The following AKT3 variants were observed in gnomAD, a reference collection of about 807,000 sequenced individuals.
AKT3 encodes RAC-gamma serine/threonine-protein kinase.
AKT3 carries 15 observed loss-of-function variants against 65.3 expected under a neutral mutation model. That is an observed-to-expected ratio of 0.23 (90% CI 0.15 to 0.35). The LOEUF is 0.35. AKT3 is among the 10% of genes least tolerant of loss of function. AKT3 has a pLI of 1.00. For missense variants in AKT3, 243 were observed against 576.5 expected (o/e 0.42, Z 5.92); for synonymous variants, 206 against 183.8 (o/e 1.12, Z -0.98).
chr1:243,829,243 C>T (rs1446383462), intron 2 of AKT3, among the ~76,000 whole-genome samples: 2 of 151,656 alleles, frequency 1.3e-5, no homozygotes, highest in African/African-American at 2.4e-5. Flanking sequence ...AGGAATCACA[C>T]GATACCCTAT....
intron 2 of AKT3, among the ~76,000 whole-genome samples, chr1:243,773,251 T>G (rs898282538): frequency 6.7e-6 from 1 of 150,190 alleles, no homozygotes; most frequent in Non-Finnish European, 1.5e-5. Flanking sequence ...TGAAGAATCA[T>G]CTCTTTAGAG....
intron 2 of AKT3, among the ~76,000 whole-genome samples, chr1:243,774,757 CAT>C (rs1360876522): frequency 6.6e-6 from 1 of 152,088 alleles, no homozygotes; most frequent in Non-Finnish European, 1.5e-5. Flanking sequence ...ATAGCTCTGC[CAT>C]ATAAATTATT....
chr1:243,716,160 A>C (rs1686501444), intron 2 of AKT3, among the ~76,000 whole-genome samples: 1 of 152,152 alleles, frequency 6.6e-6, no homozygotes, highest in Non-Finnish European at 1.5e-5. Flanking sequence ...TCATATAATC[A>C]CAATTCTGAT....
chr1:243,502,303 AAC>A lies in AKT3; in HGVS notation c.*2944_*2945del, dbSNP rs1355860322. 5 of 232,832 alleles carry A rather than the reference AAC, an allele frequency of 2.1e-5. No homozygotes were observed. The highest frequency in any genetic ancestry group is 1.8e-4 in the East Asian group (3 of 16,558). The allele number at this position is 232,832 out of a possible 1,614,324, so 14.4% of individuals were successfully genotyped here. A position where few individuals can be genotyped will look rare whatever the true frequency, so the allele number is the denominator to read the frequency against. ...AGGAGAAGCAAGTGGCCCCTGCAAGAACAGTCAGCTTTAAGAAGCTGGAAATC... is the reference window on the plus strand; with the variant it reads ...AGGAGAAGCAAGTGGCCCCTGCAAGAAGTCAGCTTTAAGAAGCTGGAAATC... On this transcript the variant is annotated 3_prime_UTR_variant, in exon 14 of 14. Transcript: ENST00000673466.
chr1:243,757,616 T>A (rs1430079218), intron 2 of AKT3, among the ~76,000 whole-genome samples: 1 of 151,722 alleles, frequency 6.6e-6, no homozygotes, highest in Non-Finnish European at 1.5e-5. Flanking sequence ...CGAAACTCCA[T>A]CTCAGAAAAA....
intron 12 of AKT3, among the ~76,000 whole-genome samples, chr1:243,535,282 T>C (rs902090652): frequency 6.6e-6 from 1 of 151,816 alleles, no homozygotes; most frequent in Non-Finnish European, 1.5e-5. Context: ...ATGAATTGTA[T>C]AATGGTAAAC....
chr1:243,510,678 A>G (rs1669957793), intron 13 of AKT3, among the ~76,000 whole-genome samples: 1 of 152,190 alleles, frequency 6.6e-6, no homozygotes, highest in Non-Finnish European at 1.5e-5. Flanking sequence ...ACCCAGGGAC[A>G]GTGGGGGAAG....
intron 2 of AKT3, among the ~76,000 whole-genome samples, chr1:243,816,510 T>C (rs547246623): frequency 1.4e-4 from 21 of 152,292 alleles, no homozygotes; most frequent in Admixed American, 3.9e-4. Context: ...ATTATTTATA[T>C]TCTGAGAAAA....
intron 2 of AKT3, among the ~76,000 whole-genome samples, chr1:243,773,445 TTTC>T (rs1690326555): frequency 6.6e-6 from 1 of 152,076 alleles, no homozygotes; most frequent in Non-Finnish European, 1.5e-5. Flanking sequence ...TCACTTCATC[TTTC>T]TATGCCTCTT....
chr1:243,631,323 T>C (rs1482850283), intron 6 of AKT3, among the ~76,000 whole-genome samples: 3 of 152,164 alleles, frequency 2.0e-5, no homozygotes, highest in Non-Finnish European at 4.4e-5. Context: ...ATTTCTTTCT[T>C]TTTTTTGAGA....
intron 6 of AKT3, among the ~76,000 whole-genome samples, chr1:243,617,714 T>A (rs1461511625): frequency 6.6e-6 from 1 of 152,026 alleles, no homozygotes; most frequent in African/African-American, 2.4e-5. Context: ...GGGGGTGACA[T>A]GTTTGTGAAA....
intron 2 of AKT3, among the ~76,000 whole-genome samples, chr1:243,823,248 T>A (rs1693968679): frequency 6.6e-6 from 1 of 152,142 alleles, no homozygotes; most frequent in Admixed American, 6.6e-5. Context: ...TTAAAAACTC[T>A]CAATAAATTA....
intron 2 of AKT3, chr1:243,735,770 C>T (rs941459084): frequency 6.6e-6 from 1 of 152,060 alleles, no homozygotes; most frequent in African/African-American, 2.4e-5. Context: ...AATGTAAACC[C>T]AACTGATGGG....
rs771792175 is a variant in AKT3 at position 243,504,867 on chromosome 1, A to G, written c.*382T>C. On this transcript the variant is annotated 3_prime_UTR_variant, in exon 14 of 14. Transcript: ENST00000673466. ...AAAGTTAAAAAATGTACCTAGAATC[A>G]GTGTATCTCATTTAGCCTTCACTGA... 3 of 243,516 alleles carry G rather than the reference A, an allele frequency of 1.2e-5. No individual in the cohort carries two copies. The highest frequency in any genetic ancestry group is 2.4e-5 in the Non-Finnish European group (3 of 125,664). 15.1% of individuals were successfully genotyped at this position (243,516 alleles called of 1,614,324 possible).
chr1:243,541,100 A>G (rs1482777567), intron 12 of AKT3, among the ~76,000 whole-genome samples: 1 of 152,176 alleles, frequency 6.6e-6, no homozygotes, highest in Non-Finnish European at 1.5e-5. Context: ...GAGAGTATGG[A>G]AATATCCTCT....
At chr1:243,675,415 G>A (rs1328592907) in intron 3 of AKT3, among the ~76,000 whole-genome samples, 1 of 152,152 alleles carries the variant, frequency 6.6e-6, no homozygotes, top group South Asian at 2.1e-4. Context: ...TAGCCAGGCT[G>A]GTCTCAAACT....
At chr1:243,563,661 G>T in intron 10 of AKT3, 59 bp downstream of exon 10, 1 of 1,529,586 alleles carries the variant, frequency 6.5e-7, no homozygotes, top group Non-Finnish European at 8.8e-7. Context: ...TGCTTAAATG[G>T]TTTACTTTGC....
At chr1:243,748,166 G>T (rs910288455) in intron 2 of AKT3, among the ~76,000 whole-genome samples, 18 of 152,010 alleles carry the variant, frequency 1.2e-4, no homozygotes, top group South Asian at 2.1e-4. Flanking sequence ...GGTGTGTCTG[G>T]TTTTTTGTGT....
At chr1:243,776,493 T>C (rs984416118) in intron 2 of AKT3, among the ~76,000 whole-genome samples, 7 of 152,188 alleles carry the variant, frequency 4.6e-5, no homozygotes, top group Non-Finnish European at 1.0e-4. Flanking sequence ...CTCTCCATTA[T>C]GTGAGGCACA....
Sources: allele counts gnomAD v4.1 joint callset (sites outside exome capture counted in the v4.1 genomes callset), GRCh38; gene constraint gnomAD v4.1.1; transcripts MANE v1.5; gene names NCBI Gene and HGNC (gene_info 2026-07-23, HGNC 2026-07-21).